The following ZBTB16 variants were observed in gnomAD, a reference collection of about 807,000 sequenced individuals.
The protein encoded by ZBTB16 is zinc finger and BTB domain-containing protein 16.
Under a neutral mutation model 56.8 loss-of-function variants are expected in ZBTB16, and 8 were observed. The ratio of observed to expected loss-of-function variants is 0.14; its 90% CI spans 0.08 to 0.25. The LOEUF (loss-of-function observed/expected upper bound fraction) is 0.25, where lower values mean the gene tolerates loss of function less well. ZBTB16 is among the 10% of genes least tolerant of loss of function. ZBTB16 has a pLI of 1.00. For missense variants in ZBTB16, 625 were observed against 903.0 expected (o/e 0.69, Z 3.95); for synonymous variants, 363 against 368.5 (o/e 0.98, Z 0.17).
rs534072364 is a variant in ZBTB16, at chr11:114,152,347, G to A, written c.1269-3990G>A. ...GATGAGCTTGTATCTTGCTAGCTTCGTTTTACTAGTGAGAGTTGTTTGGTT... is the reference window on the plus strand; with the variant it reads ...GATGAGCTTGTATCTTGCTAGCTTCATTTTACTAGTGAGAGTTGTTTGGTT... On this transcript the variant is annotated intron_variant, in intron 2 of 6. Transcript: ENST00000335953. Among the ~76,000 whole-genome samples, 10 of 152,320 alleles carry A rather than the reference G, an allele frequency of 6.6e-5. No homozygotes were observed. The South Asian group carries it at 1.9e-3, about 28-fold the overall frequency.
chr11:114,074,253 G>C (rs142705386), intron 2 of ZBTB16, among the ~76,000 whole-genome samples: 1 of 152,320 alleles, frequency 6.6e-6, no homozygotes, highest in East Asian at 1.9e-4. Context: ...TTAGCTCAGC[G>C]TTGTGATCTT....
At chr11:114,072,934 C>A (rs1306069361) in intron 2 of ZBTB16, among the ~76,000 whole-genome samples, 1 of 151,794 alleles carries the variant, frequency 6.6e-6, no homozygotes, top group Admixed American at 6.6e-5. Context: ...CGCCTGTAGT[C>A]CCAGCTACTC....
intron 2 of ZBTB16, among the ~76,000 whole-genome samples, chr11:114,153,734 A>G (rs1942332175): frequency 6.6e-6 from 1 of 152,222 alleles, no homozygotes; most frequent in Non-Finnish European, 1.5e-5. Context: ...GGAGAATAAT[A>G]GTGCCCCTTA....
At chr11:114,186,900 C>G in intron 3 of ZBTB16, 52 bp from the exon 4 acceptor site, 3 of 1,578,738 alleles carry the variant, frequency 1.9e-6, no homozygotes, top group Non-Finnish European at 2.6e-6. Context: ...AGGACCTCCC[C>G]GCTCACCAGT....
chr11:114,247,132 C>T, intron 5 of ZBTB16, 66 bp from the exon 6 acceptor site: 1 of 1,608,306 alleles, frequency 6.2e-7, no homozygotes, highest in Non-Finnish European at 8.5e-7. Flanking sequence ...ACAGAATGTG[C>T]CCTACTGTCC....
intron 3 of ZBTB16, among the ~76,000 whole-genome samples, chr11:114,171,030 A>G (rs1234936151): frequency 6.6e-6 from 1 of 152,172 alleles, no homozygotes; most frequent in Admixed American, 6.5e-5. Context: ...CTGGGGGGCC[A>G]GTTTTGCATT....
intron 2 of ZBTB16, among the ~76,000 whole-genome samples, chr11:114,117,288 C>T (rs749620809): frequency 8.6e-5 from 13 of 151,948 alleles, no homozygotes; most frequent in South Asian, 4.1e-4. Context: ...AGAGAGAAGC[C>T]GACCTTTTAT....
At chr11:114,073,203 G>T (rs1286706515) in intron 2 of ZBTB16, among the ~76,000 whole-genome samples, 1 of 152,154 alleles carries the variant, frequency 6.6e-6, no homozygotes, top group Admixed American at 6.5e-5. Flanking sequence ...CGAGGAGGAA[G>T]GTTACTGCAG....
intron 4 of ZBTB16, among the ~76,000 whole-genome samples, chr11:114,235,478 G>T (rs971110815): frequency 6.6e-6 from 1 of 152,158 alleles, no homozygotes; most frequent in Non-Finnish European, 1.5e-5. Context: ...AATGGCACAG[G>T]TGTAAACATG....
intron 2 of ZBTB16, among the ~76,000 whole-genome samples, chr11:114,105,228 G>GTC (rs202222391): frequency 0.011 from 1,624 of 149,280 alleles, 23 homozygotes; most frequent in African/African-American, 0.038. Flanking sequence ...AATTAATTCT[G>GTC]TCTCTCTCTC....
At position 114,063,619 on chromosome 11, in the gene ZBTB16, G is replaced by A. The variant is rs866272456; in HGVS notation, c.319G>A (p.Glu107Lys). The A allele has an allele frequency of 6.2e-7, 1 of 1,614,026 alleles. No homozygotes were observed. Residue 107 changes from glutamate (E) to lysine (K), a missense_variant, in exon 2 of 7, where the codon GAG becomes AAG. Glu to Lys is a moderately conservative substitution (Grantham distance 56, BLOSUM62 1). This residue lies in a region of ZBTB16 where 54 missense variants were observed against 159.4 expected (regional missense o/e 0.34). Transcript: ENST00000335953. The surrounding 1 kb of genome is among the most constrained non-coding windows in gnomAD (Gnocchi z 6.5). The stretch of plus-strand genomic sequence containing the variant: ...CCTGGATGACCTGCTGTATGCGGCC[G>A]AGATCCTGGAGATCGAGTACCTGGA... ...EDLDDLLYAA[E>K]ILEIEYLEEQ... is the part of the protein sequence containing the mutation.
At chr11:114,102,541 T>A (rs1565626521) in intron 2 of ZBTB16, among the ~76,000 whole-genome samples, 2 of 150,198 alleles carry the variant, frequency 1.3e-5, no homozygotes, top group East Asian at 3.9e-4. Context: ...TCCAGGTAAG[T>A]CCCCCCCACC....
Position 114,112,912 on chromosome 11 carries a change from GCA to G in ZBTB16, c.1269-43423_1269-43422del, listed in dbSNP as rs370995627. ...CCAAGTAGCTGTGACTACAGGGAAT[GCA>G]CTACCATACCTAGGTTTTTAAATTT... is the stretch of plus-strand genomic sequence containing the variant. On this transcript the variant is annotated intron_variant, in intron 2 of 6. Transcript: ENST00000335953. 4.1e-3 allele frequency among the ~76,000 whole-genome samples: 618 copies of G among 152,086 alleles called. 7 individuals carry two copies. Among genetic ancestry groups the G allele is most frequent in the Middle Eastern group, 0.017 (5 of 294 alleles).
chr11:114,205,283 G>A (rs931747461), intron 4 of ZBTB16, among the ~76,000 whole-genome samples: 13 of 152,062 alleles, frequency 8.5e-5, no homozygotes, highest in African/African-American at 2.7e-4. Context: ...AGTGGTGGGC[G>A]CCTGTAGTCC....
chr11:114,165,068 TCTCCCTGC>T (rs1942707290), intron 3 of ZBTB16, among the ~76,000 whole-genome samples: 1 of 152,128 alleles, frequency 6.6e-6, no homozygotes, highest in African/African-American at 2.4e-5. Context: ...TGTCTCTGTC[TCTCCCTGC>T]CTCCCTGCCT....
intron 2 of ZBTB16, among the ~76,000 whole-genome samples, chr11:114,140,327 G>A (rs1460923898): frequency 3.3e-5 from 5 of 152,318 alleles, no homozygotes; most frequent in African/African-American, 9.6e-5. Flanking sequence ...GACCTGACGT[G>A]CACATGTAAG....
intron 6 of ZBTB16, among the ~76,000 whole-genome samples, chr11:114,247,915 T>TA (rs397793601): frequency 1.3e-5 from 2 of 151,842 alleles, no homozygotes; most frequent in East Asian, 3.9e-4. Flanking sequence ...TTTTTTTTTT[T>TA]AGACGGAGTT....
intron 4 of ZBTB16, among the ~76,000 whole-genome samples, chr11:114,235,670 CTTTCTTTCTT>C (rs1944557373): frequency 3.8e-5 from 1 of 26,042 alleles, no homozygotes; most frequent in Non-Finnish European, 1.0e-4. Flanking sequence ...TTCTTTCTTT[CTTTCTTTCTT>C]TCTTTCTTTC....
intron 2 of ZBTB16, among the ~76,000 whole-genome samples, chr11:114,085,028 G>A (rs947587049): frequency 1.3e-5 from 2 of 152,206 alleles, no homozygotes; most frequent in Admixed American, 1.3e-4. Flanking sequence ...GGTAGGCGGT[G>A]ATTGAGTGGA....
Sources: allele counts gnomAD v4.1 joint callset (sites outside exome capture counted in the v4.1 genomes callset), GRCh38; gene constraint gnomAD v4.1.1; regional missense constraint gnomAD v4.1.1; non-coding constraint Gnocchi (gnomAD v3.1); transcripts MANE v1.5; gene names NCBI Gene and HGNC (gene_info 2026-07-23, HGNC 2026-07-21).